The following RASGRF2 variants were observed in gnomAD, a reference collection of about 807,000 sequenced individuals.
The protein encoded by RASGRF2 is ras-specific guanine nucleotide-releasing factor 2.
RASGRF2 carries 76 observed loss-of-function variants against 151.0 expected under a neutral mutation model. That is an observed-to-expected ratio of 0.50 (90% confidence interval 0.42 to 0.61). The LOEUF is 0.61. Ranked by LOEUF, RASGRF2 falls within the 20% of genes least tolerant of loss-of-function variation. The pLI is 0.00. For missense variants in RASGRF2, 1,148 were observed against 1,564.6 expected, an observed-to-expected ratio of 0.73 and a Z score of 4.49; for synonymous variants, 504 against 566.5, an observed-to-expected ratio of 0.89 and a Z score of 1.57.
At chr5:80,994,825 A>G (rs1748781629) in intron 1 of RASGRF2, among the ~76,000 whole-genome samples, 1 of 152,222 alleles carries the variant, frequency 6.6e-6, no homozygotes, top group African/African-American at 2.4e-5. Flanking sequence ...GCAATTTTCA[A>G]AAAGTTTGGT....
At chr5:80,997,397 ATACAGAAACAGACCCCTCT>A (rs535416418) in intron 1 of RASGRF2, 1 of 152,356 alleles carries the variant, frequency 6.6e-6, no homozygotes, top group Admixed American at 6.5e-5. Context: ...AGACTTCTTA[ATACAGAAACAGACCCCTCT>A]TACAGCAACC....
At chr5:81,132,870 TTATAAA>T (rs1160204156) in intron 17 of RASGRF2, among the ~76,000 whole-genome samples, 1 of 152,158 alleles carries the variant, frequency 6.6e-6, no homozygotes, top group African/African-American at 2.4e-5. Context: ...TAATATAAAA[TTATAAA>T]TATAAACTTT....
At chr5:81,116,066 CTTTTTTTTTTTTTTTTTTT>C (rs575647502) in intron 15 of RASGRF2, among the ~76,000 whole-genome samples, 1 of 49,042 alleles carries the variant, frequency 2.0e-5, no homozygotes, top group Non-Finnish European at 3.9e-5. Flanking sequence ...AATGCCATTT[CTTTTTTTTTTTTTTTTTTT>C]TTTTTTTTTT....
rs1554083685 is a variant in RASGRF2 at position 80,995,693 on chromosome 5, C to CTT, written c.288+34683_288+34684dup. ...GTTTCTTTCCTTTCCTTCCCCCCCC[C>CTT]TTTTTTTTTTTTTTTTTGAGATGGA... On this transcript the variant is annotated intron_variant, in intron 1 of 26. Coordinates refer to ENST00000265080, the MANE Select transcript of RASGRF2 (RefSeq NM_006909.3). Among the ~76,000 whole-genome samples, 576 of 97,340 alleles carry CTT rather than the reference C, an allele frequency of 5.9e-3. 18 individuals are homozygous for CTT. Among genetic ancestry groups the CTT allele is most frequent in the Non-Finnish European group, 8.5e-3 (422 of 49,458 alleles). 63.9% of individuals were successfully genotyped at this position (97,340 alleles called of 152,430 possible).
intron 1 of RASGRF2, among the ~76,000 whole-genome samples, chr5:81,003,918 T>C (rs1037592046): frequency 2.0e-5 from 3 of 152,190 alleles, no homozygotes; most frequent in Non-Finnish European, 2.9e-5. Flanking sequence ...GTGTTAGATC[T>C]TTGGCGAGAG....
intron 12 of RASGRF2, 114 bp from the exon 13 acceptor site, chr5:81,108,868 GTGTGTGTGTGTGTA>G: frequency 8.4e-7 from 1 of 1,187,144 alleles, no homozygotes; most frequent in Non-Finnish European, 1.1e-6. Flanking sequence ...GTGTGTGTGT[GTGTGTGTGTGTGTA>G]AGAGACAGGG....
At chr5:81,131,167 A>G (rs972405750) in intron 17 of RASGRF2, among the ~76,000 whole-genome samples, 3 of 152,202 alleles carry the variant, frequency 2.0e-5, no homozygotes, top group Non-Finnish European at 4.4e-5. Context: ...TTCAAATGCA[A>G]TACAAGGGAG....
At chr5:81,173,034 A>AT (rs1754693705) in intron 17 of RASGRF2, among the ~76,000 whole-genome samples, 1 of 152,080 alleles carries the variant, frequency 6.6e-6, no homozygotes, top group South Asian at 2.1e-4. Flanking sequence ...TTTGAGTTGG[A>AT]TTTTCTGTAC....
intron 9 of RASGRF2, chr5:81,088,653 T>C (rs923258971): frequency 3.3e-5 from 5 of 152,218 alleles, no homozygotes; most frequent in Admixed American, 2.0e-4. Context: ...CTTGATAGTA[T>C]GTGAGAATGG....
At position 81,225,813 on chromosome 5, in the gene RASGRF2, G is replaced by C; in HGVS notation, c.*43G>C. 1 of 1,596,870 alleles carries C rather than the reference G, an allele frequency of 6.3e-7. No homozygotes were observed. The highest frequency in any genetic ancestry group is 8.5e-7 in the Non-Finnish European group (1 of 1,173,646). On this transcript the variant is annotated 3_prime_UTR_variant, in exon 27 of 27. Transcript: ENST00000265080. Reference sequence around the variant, plus strand: ...TGAGTCCACGGGATGTTCATGGAAAGCAGGACAGACAGAATTGTGTATGCC... The same window carrying C: ...TGAGTCCACGGGATGTTCATGGAAACCAGGACAGACAGAATTGTGTATGCC...
intron 1 of RASGRF2, among the ~76,000 whole-genome samples, chr5:80,987,679 G>C (rs1242518501): frequency 6.6e-6 from 1 of 152,126 alleles, no homozygotes; most frequent in Non-Finnish European, 1.5e-5. Context: ...GATAAAGTCA[G>C]AATAGTGATG....
At chr5:81,219,801 A>C in intron 26 of RASGRF2, 23 bp downstream of exon 26, 16 of 1,547,620 alleles carry the variant, frequency 1.0e-5, no homozygotes, top group Non-Finnish European at 1.3e-5. Context: ...GGCTGTGAAG[A>C]AATTAATAAA....
At chr5:81,113,378 G>C in intron 14 of RASGRF2, 160 bp from the exon 15 acceptor site, 1 of 822,408 alleles carries the variant, frequency 1.2e-6, no homozygotes, top group South Asian at 1.8e-5. Flanking sequence ...TTCTTTGGCA[G>C]GTGGAGGGTA....
rs1167257340 is a variant in RASGRF2, at chr5:81,212,556, C to G, written c.3347C>G (p.Ser1116Cys). ...YRLKKTWAKV[S>C]KQTKALMDKL... ...CTGAAGAAAACCTGGGCCAAGGTCT[C>G]TAAGCAGGTGAGCCTCAGCGTGTGA... is the stretch of plus-strand genomic sequence containing the variant. The change falls in exon 23 of 27, where the codon TCT (serine) becomes TGT (cysteine). Residue 1116 changes from serine to cysteine, a missense_variant. Around this residue, in one of 5 missense-constraint regions of RASGRF2, gnomAD observed 100 missense variants for 148.2 expected, o/e 0.67. Coordinates refer to ENST00000265080, the MANE Select transcript of RASGRF2 (RefSeq NM_006909.3). 3 of 1,609,910 alleles carry G rather than the reference C, an allele frequency of 1.9e-6. No individual in the cohort carries two copies. The South Asian group carries it at 3.3e-5, about 18-fold the overall frequency.
chr5:81,140,289 C>T (rs540862540), intron 17 of RASGRF2, among the ~76,000 whole-genome samples: 8 of 152,158 alleles, frequency 5.3e-5, no homozygotes, highest in Non-Finnish European at 1.0e-4. Context: ...TTTTTTCCTA[C>T]TGGAGGGTAT....
Position 81,222,255 on chromosome 5 carries a change from GC to G in RASGRF2, c.3621+2482del, listed in dbSNP as rs1405082707. ...TTTGTATTAAGCTAAATATACTGATGCCCCCAACTCTATTCTATTACCATGT... is the reference window on the plus strand; with the variant it reads ...TTTGTATTAAGCTAAATATACTGATGCCCCAACTCTATTCTATTACCATGT... On this transcript the variant is annotated intron_variant, in intron 26 of 26. Coordinates refer to ENST00000265080, the MANE Select transcript of RASGRF2 (RefSeq NM_006909.3). Among the ~76,000 whole-genome samples, 8 of 152,110 alleles carry G rather than the reference GC, an allele frequency of 5.3e-5. No individual in the cohort carries two copies. In the East Asian group the frequency reaches 1.5e-3, roughly 29 times the overall value.
At chr5:81,030,883 G>A (rs1293157273) in intron 1 of RASGRF2, among the ~76,000 whole-genome samples, 1 of 152,190 alleles carries the variant, frequency 6.6e-6, no homozygotes, top group Non-Finnish European at 1.5e-5. Flanking sequence ...AGACCCATCA[G>A]TGTGCTGTAT....
rs1005666105 is a variant in RASGRF2 at position 81,086,687 on chromosome 5, C to T, written c.1272-148C>T. The T allele has an allele frequency of 9.3e-6, 6 of 648,590 alleles. No homozygotes were observed. The African/African-American group carries it at 1.1e-4, about 12-fold the overall frequency. 40.2% of individuals were successfully genotyped at this position (648,590 alleles called of 1,614,324 possible). A position where few individuals can be genotyped will look rare whatever the true frequency, so the allele number is the denominator to read the frequency against. On this transcript the variant is annotated intron_variant, in intron 8 of 26. Transcript: ENST00000265080. ...GTTTTTGGTCATGACCTGTTGAAGC[C>T]TGGAAAGATCCAGCCTATTTCCCCC... is the stretch of plus-strand genomic sequence containing the variant.
Position 81,228,632 on chromosome 5 carries a change from C to T in RASGRF2, c.*2862C>T, listed in dbSNP as rs575807750. The T allele has an allele frequency of 6.6e-6, 1 of 152,202 alleles. No homozygotes were observed. The highest frequency in any genetic ancestry group is 1.9e-4 in the East Asian group (1 of 5,190). The allele number at this position is 152,202 out of a possible 1,614,324, so 9.4% of individuals were successfully genotyped here. A position where few individuals can be genotyped will look rare whatever the true frequency, so the allele number is the denominator to read the frequency against. On this transcript the variant is annotated 3_prime_UTR_variant, in exon 27 of 27. Transcript: ENST00000265080. Reference sequence around the variant, plus strand: ...CAATTTCATGCTTTCGAATGAATGCCCACATTTTGTACTGTCAACGAAATT... The same window carrying T: ...CAATTTCATGCTTTCGAATGAATGCTCACATTTTGTACTGTCAACGAAATT...
Sources: allele counts gnomAD v4.1 joint callset (sites outside exome capture counted in the v4.1 genomes callset), GRCh38; gene constraint gnomAD v4.1.1; regional missense constraint gnomAD v4.1.1; transcripts MANE v1.5; gene names NCBI Gene and HGNC (gene_info 2026-07-23, HGNC 2026-07-21).